SEL1L3: variants seen among roughly 807,000 people sequenced by gnomAD.
SEL1L3 encodes SEL1L family member 3.
Under a neutral mutation model 142.8 loss-of-function variants are expected in SEL1L3, and 76 were observed. The observed-to-expected ratio is 0.53, with a 90% confidence interval of 0.44 to 0.64. SEL1L3 has a LOEUF of 0.64. SEL1L3 is among the 30% of genes least tolerant of loss of function. The pLI, the probability that SEL1L3 is intolerant of heterozygous loss-of-function variation, is 0.00. For missense variants in SEL1L3, 1,262 were observed against 1,381.7 expected (o/e 0.91, Z 1.37); for synonymous variants, 504 against 519.6 (o/e 0.97, Z 0.41).
rs1711994723 is a variant in SEL1L3 at position 25,788,238 on chromosome 4, T to C, written c.2203A>G (p.Ile735Val). 1 of 1,613,792 alleles carries C rather than the reference T, an allele frequency of 6.2e-7. No homozygotes were observed. The highest frequency in any genetic ancestry group is 8.5e-7 in the Non-Finnish European group (1 of 1,179,842). The change falls in exon 13 of 24, where the codon ATT becomes GTT. Residue 735 changes from isoleucine to valine, a missense_variant. Around this residue, in one of 3 missense-constraint regions of SEL1L3, gnomAD observed 435 missense variants for 559.2 expected, o/e 0.78. Transcript: ENST00000399878. The surrounding 1 kb of genome is among the most constrained non-coding windows in gnomAD (Gnocchi z 5.3). ...GTGATTCTTACCTTGAATAGCACAA[T>C]GGCATAGTCATAGATTAACGCAGGA... ...EDPALIYDYA[I>V]VLFKGQGVKK...
At chr4:25,782,520 C>T in intron 14 of SEL1L3, 102 bp from the exon 15 acceptor site, 1 of 982,282 alleles carries the variant, frequency 1.0e-6, no homozygotes, top group Non-Finnish European at 1.5e-6. Flanking sequence ...CTGAACAAAA[C>T]CTTCCCTTTC....
chr4:25,807,427 A>G (rs1333978884), intron 9 of SEL1L3, among the ~76,000 whole-genome samples: 3 of 152,176 alleles, frequency 2.0e-5, no homozygotes, highest in Admixed American at 6.5e-5. Context: ...AGTTGTAATA[A>G]GAACGTGGAA....
chr4:25,780,148 G>A (rs1012421492), intron 15 of SEL1L3, among the ~76,000 whole-genome samples: 1 of 151,908 alleles, frequency 6.6e-6, no homozygotes, highest in African/African-American at 2.4e-5. Flanking sequence ...AGTCACCCCT[G>A]ACTCTTCTCC....
chr4:25,830,767 C>T (rs7667147), intron 5 of SEL1L3, among the ~76,000 whole-genome samples: 11,628 of 152,186 alleles, frequency 0.076, 1,483 homozygotes, highest in African/African-American at 0.26. Context: ...AGTGTTAGGG[C>T]GTGTCTCAAA....
intron 6 of SEL1L3, 101 bp from the exon 7 acceptor site, chr4:25,822,229 C>T: frequency 1.4e-6 from 2 of 1,408,210 alleles, no homozygotes; most frequent in Non-Finnish European, 2.0e-6. Flanking sequence ...CCAAATTGCC[C>T]CAAGCCCTTC....
At chr4:25,757,406 G>C in intron 23 of SEL1L3, 128 bp downstream of exon 23, 1 of 703,646 alleles carries the variant, frequency 1.4e-6, no homozygotes, top group Non-Finnish European at 2.2e-6. Context: ...AGGGATAGGA[G>C]ATAGCATGAC....
the SEL1L3 span, among the ~76,000 whole-genome samples, chr4:25,730,347 AT>A: frequency 7.3e-5 from 11 of 149,850 alleles, no homozygotes; most frequent in Non-Finnish European, 8.9e-5. Flanking sequence ...AACTTTTATT[AT>A]TTTTTTTTTG....
intron 9 of SEL1L3, among the ~76,000 whole-genome samples, chr4:25,815,143 G>A (rs1342611579): frequency 6.6e-6 from 1 of 152,192 alleles, no homozygotes; most frequent in Non-Finnish European, 1.5e-5. Context: ...TGGTGGCCGG[G>A]GAGGCTGGCA....
the SEL1L3 span, among the ~76,000 whole-genome samples, chr4:25,733,344 G>C: frequency 2.6e-5 from 4 of 151,496 alleles, no homozygotes; most frequent in Non-Finnish European, 5.9e-5. Context: ...TAAGCCTTTT[G>C]TTATCCCTCA....
chr4:25,760,514 C>T (rs542404270), intron 20 of SEL1L3, among the ~76,000 whole-genome samples: 1 of 152,334 alleles, frequency 6.6e-6, no homozygotes, highest in South Asian at 2.1e-4. Flanking sequence ...CTCCCACCAA[C>T]AGTGCATAAG....
chr4:25,782,681 G>A (rs1477199167), intron 14 of SEL1L3, among the ~76,000 whole-genome samples: 2 of 152,136 alleles, frequency 1.3e-5, no homozygotes, highest in African/African-American at 2.4e-5. Flanking sequence ...TCATTGTTCT[G>A]CTCCTTTGGG....
chr4:25,831,922 A>G (rs1715474373), intron 5 of SEL1L3, among the ~76,000 whole-genome samples: 1 of 152,208 alleles, frequency 6.6e-6, no homozygotes, highest in African/African-American at 2.4e-5. Context: ...TGCATACAGT[A>G]GGTGCAAAAT....
intron 11 of SEL1L3, among the ~76,000 whole-genome samples, chr4:25,794,137 TCA>T (rs968467811): frequency 1.1e-4 from 17 of 152,132 alleles, no homozygotes; most frequent in African/African-American, 3.4e-4. Flanking sequence ...TGTGAAAATG[TCA>T]AAAGCAATTG....
At chr4:25,825,824 G>A (rs1032736383) in intron 6 of SEL1L3, among the ~76,000 whole-genome samples, 22 of 151,806 alleles carry the variant, frequency 1.4e-4, no homozygotes, top group East Asian at 5.8e-4. Context: ...ACAGGCATGC[G>A]CCACCACGCC....
Position 25,819,916 on chromosome 4 carries a change from G to C in SEL1L3, c.1315C>G (p.Gln439Glu). Residue 439 changes from glutamine (Q) to glutamate (E), a missense_variant, in exon 8 of 24, where the codon CAA becomes GAA. Coordinates refer to ENST00000399878, the MANE Select transcript of SEL1L3 (RefSeq NM_015187.5). ...TATAACTTGATTTGTTCAGCAAGTT[G>C]CTTCTCAAGGAGGGGATTAAAAATC... ...AQIFNPLLEK[Q>E]LAEQIKLYYE... The C allele has an allele frequency of 1.2e-6, 2 of 1,611,136 alleles. No homozygotes were observed. The highest frequency in any genetic ancestry group is 1.7e-6 in the Non-Finnish European group (2 of 1,178,708).
intron 17 of SEL1L3, among the ~76,000 whole-genome samples, chr4:25,775,309 C>T (rs903163638): frequency 1.2e-4 from 19 of 152,216 alleles, no homozygotes; most frequent in African/African-American, 4.6e-4. Flanking sequence ...ATTTCTCCTA[C>T]ACTTTCTAAT....
At chr4:25,853,664 C>CTTTTTTTTTTTTTTTTTTTT (rs34922528) in intron 1 of SEL1L3, among the ~76,000 whole-genome samples, 1 of 83,004 alleles carries the variant, frequency 1.2e-5, no homozygotes, top group African/African-American at 5.6e-5. Context: ...CTCTTCTTAC[C>CTTTTTTTTTTTTTTTTTTTT]TTTTTTTTTT....
the SEL1L3 span, among the ~76,000 whole-genome samples, chr4:25,725,625 T>C: frequency 4.6e-5 from 7 of 152,174 alleles, no homozygotes; most frequent in East Asian, 1.9e-4. Flanking sequence ...TGGTTGGCTA[T>C]TTTTATGGTT....
chr4:25,795,083 A>G (rs1278066983), intron 11 of SEL1L3, among the ~76,000 whole-genome samples: 2 of 152,210 alleles, frequency 1.3e-5, no homozygotes, highest in East Asian at 3.9e-4. Context: ...GAAGATCAGG[A>G]AAAATAGTGA....
Sources: gnomAD v4.1 joint callset for allele counts (sites outside exome capture counted in the v4.1 genomes callset) on GRCh38, gnomAD v4.1.1 for gene constraint, gnomAD v4.1.1 regional missense constraint, Gnocchi (gnomAD v3.1) non-coding constraint, MANE v1.5 for transcripts, NCBI Gene and HGNC (gene_info 2026-07-23, HGNC 2026-07-21) for gene names.